Variants in ASIC2 observed in about 807,000 individuals in gnomAD.
The protein encoded by ASIC2 is acid sensing ion channel subunit 2, also known as acid-sensing ion channel 2.
Under a neutral mutation model 57.3 loss-of-function variants are expected in ASIC2, and 25 were observed. The ratio of observed to expected loss-of-function variants is 0.44; its 90% CI spans 0.32 to 0.61. ASIC2 has a LOEUF of 0.61. Among genes scored for constraint, ASIC2 ranks in the 20% least tolerant of loss-of-function variants. The pLI is 0.06. For synonymous variants in ASIC2, 319 were observed against 307.5 expected (o/e 1.04, Z -0.39); for missense variants, 641 against 738.1 (o/e 0.87, Z 1.52).
intron 1 of ASIC2, among the ~76,000 whole-genome samples, chr17:33,721,394 A>T (rs1026336721): frequency 1.3e-5 from 2 of 152,202 alleles, no homozygotes; most frequent in African/African-American, 4.8e-5. Context: ...ATCAGAGATG[A>T]TGTGTGTGAC....
At chr17:34,075,823 C>CTTTTTT (rs57703083) in intron 1 of ASIC2, among the ~76,000 whole-genome samples, 4 of 77,548 alleles carry the variant, frequency 5.2e-5, no homozygotes, top group Non-Finnish European at 9.3e-5. Flanking sequence ...TTTCTTTTTC[C>CTTTTTT]TTTTTTTTTT....
At chr17:33,318,920 A>G (rs991948677) in intron 1 of ASIC2, among the ~76,000 whole-genome samples, 2 of 152,256 alleles carry the variant, frequency 1.3e-5, no homozygotes, top group Admixed American at 6.5e-5. Context: ...AATGGTCACC[A>G]GGAGCAAAAC....
At chr17:33,053,817 A>T (rs2091987285) in intron 3 of ASIC2, among the ~76,000 whole-genome samples, 1 of 152,054 alleles carries the variant, frequency 6.6e-6, no homozygotes, top group Non-Finnish European at 1.5e-5. Context: ...TTTATTGTTA[A>T]TTATTTACCT....
chr17:34,109,336 C>T (rs1911185078), intron 1 of ASIC2, among the ~76,000 whole-genome samples: 1 of 152,114 alleles, frequency 6.6e-6, no homozygotes. Flanking sequence ...GTTTTCCATT[C>T]TGCTTCTGGG....
intron 1 of ASIC2, among the ~76,000 whole-genome samples, chr17:33,944,132 A>G (rs954062775): frequency 6.6e-6 from 1 of 152,156 alleles, no homozygotes; most frequent in African/African-American, 2.4e-5. Context: ...CTGTATAAGG[A>G]CTTGCTGATG....
intron 1 of ASIC2, among the ~76,000 whole-genome samples, chr17:33,981,040 A>G (rs1905601360): frequency 1.3e-5 from 2 of 148,712 alleles, no homozygotes; most frequent in African/African-American, 5.0e-5. Flanking sequence ...GGTTCAAGCA[A>G]CTCCACTGCC....
intron 1 of ASIC2, among the ~76,000 whole-genome samples, chr17:33,167,111 CCCCATGTTTTAAA>C (rs1486363969): frequency 6.6e-6 from 1 of 152,150 alleles, no homozygotes; most frequent in East Asian, 1.9e-4. Flanking sequence ...ATGTTCCAAA[CCCCATGTTTTAAA>C]GATGAAGCCC....
intron 1 of ASIC2, among the ~76,000 whole-genome samples, chr17:33,754,391 G>T (rs545923622): frequency 4.1e-4 from 62 of 152,152 alleles, no homozygotes; most frequent in African/African-American, 1.5e-3. Context: ...CTCCGATAAA[G>T]CTATGGACAT....
At chr17:33,832,415 C>T (rs992682213) in intron 1 of ASIC2, among the ~76,000 whole-genome samples, 1 of 152,212 alleles carries the variant, frequency 6.6e-6, no homozygotes, top group Non-Finnish European at 1.5e-5. Context: ...ATGTTAAACA[C>T]AAGCTTGAGC....
chr17:33,018,795 C>A (rs1434193217), intron 7 of ASIC2, among the ~76,000 whole-genome samples: 1 of 145,888 alleles, frequency 6.9e-6, no homozygotes, highest in Admixed American at 6.7e-5. Context: ...CTCTAAGACT[C>A]TCAGTCTCTG....
At chr17:33,577,036 G>C (rs1251033128) in intron 1 of ASIC2, among the ~76,000 whole-genome samples, 1 of 152,104 alleles carries the variant, frequency 6.6e-6, no homozygotes, top group Non-Finnish European at 1.5e-5. Flanking sequence ...CCTCTTTGTT[G>C]ACTTTGAGCC....
Position 33,738,463 on chromosome 17 carries a change from A to G in ASIC2, c.555+417515T>C, listed in dbSNP as rs1467282171. On this transcript the variant is annotated intron_variant, in intron 1 of 9. Transcript: ENST00000359872. Reference sequence around the variant, plus strand: ...TTCACCAATATACATGCACCAGCCTATAAATACCCTGATCCTTACCCTCAG... The same window carrying G: ...TTCACCAATATACATGCACCAGCCTGTAAATACCCTGATCCTTACCCTCAG... Among the ~76,000 whole-genome samples the G allele has an allele frequency of 4.6e-5, 7 of 152,274 alleles. No individual in the cohort carries two copies. The East Asian group carries it at 1.4e-3, about 29-fold the overall frequency.
intron 1 of ASIC2, among the ~76,000 whole-genome samples, chr17:33,664,596 C>G (rs1031158938): frequency 6.6e-6 from 1 of 152,168 alleles, no homozygotes; most frequent in Non-Finnish European, 1.5e-5. Context: ...ACTTGGCCCA[C>G]TGTCAGGCAG....
chr17:33,957,709 G>T (rs977427587), intron 1 of ASIC2, among the ~76,000 whole-genome samples: 1 of 152,096 alleles, frequency 6.6e-6, no homozygotes. Context: ...TGAGATTTGG[G>T]TGGGGACACA....
chr17:33,569,767 T>C (rs1402597693), intron 1 of ASIC2, among the ~76,000 whole-genome samples: 1 of 152,198 alleles, frequency 6.6e-6, no homozygotes, highest in African/African-American at 2.4e-5. Flanking sequence ...CATGTATCCA[T>C]AATTCATCCA....
intron 1 of ASIC2, among the ~76,000 whole-genome samples, chr17:33,751,323 C>T (rs1222858099): frequency 6.6e-6 from 1 of 152,192 alleles, no homozygotes; most frequent in Non-Finnish European, 1.5e-5. Context: ...TCTAGTGGCA[C>T]TGCCAGGAAT....
intron 1 of ASIC2, among the ~76,000 whole-genome samples, chr17:33,849,323 T>C (rs887985850): frequency 2.0e-5 from 3 of 152,190 alleles, no homozygotes; most frequent in African/African-American, 7.2e-5. Context: ...GGCTGGGGAC[T>C]AGTGCTCTAC....
chr17:33,284,854 C>A (rs958474581), intron 1 of ASIC2, among the ~76,000 whole-genome samples: 2 of 152,172 alleles, frequency 1.3e-5, no homozygotes, highest in Non-Finnish European at 2.9e-5. Context: ...TAGGCTGTTT[C>A]ATTCCAGCCC....
intron 1 of ASIC2, among the ~76,000 whole-genome samples, chr17:34,130,791 T>C (rs1298277579): frequency 1.3e-5 from 2 of 152,216 alleles, no homozygotes; most frequent in African/African-American, 4.8e-5. Flanking sequence ...AGAGAGCAGA[T>C]GCTCAACAAA....
Sources: gnomAD v4.1 joint callset for allele counts (sites outside exome capture counted in the v4.1 genomes callset) on GRCh38, gnomAD v4.1.1 for gene constraint, MANE v1.5 for transcripts, NCBI Gene and HGNC (gene_info 2026-07-23, HGNC 2026-07-21) for gene names.